Variants in GRID2 observed in about 807,000 individuals in gnomAD.
The protein encoded by GRID2 is glutamate receptor ionotropic, delta-2.
Under a neutral mutation model 114.8 loss-of-function variants are expected in GRID2, and 33 were observed. That is an observed-to-expected ratio of 0.29 (90% CI 0.22 to 0.38). GRID2 has a LOEUF of 0.38. Ranked by LOEUF, GRID2 falls within the 10% of genes least tolerant of loss-of-function variation. The pLI is 1.00. For synonymous variants in GRID2, 505 were observed against 449.9 expected, an observed-to-expected ratio of 1.12 and a Z score of -1.55; for missense variants, 1,184 against 1,257.7, an observed-to-expected ratio of 0.94 and a Z score of 0.89.
chr4:93,437,685 T>C (rs540219888), intron 10 of GRID2, among the ~76,000 whole-genome samples: 5 of 152,286 alleles, frequency 3.3e-5, no homozygotes, highest in Non-Finnish European at 7.4e-5. Context: ...CAATATACTG[T>C]ACAGTCTATA....
intron 2 of GRID2, among the ~76,000 whole-genome samples, chr4:92,766,067 G>A (rs1179710412): frequency 6.6e-6 from 1 of 152,126 alleles, no homozygotes; most frequent in African/African-American, 2.4e-5. Context: ...TGACTAGTGA[G>A]CTCTAGGAGA....
chr4:93,553,544 A>G (rs1212783634), intron 13 of GRID2, among the ~76,000 whole-genome samples: 1 of 152,230 alleles, frequency 6.6e-6, no homozygotes, highest in Non-Finnish European at 1.5e-5. Flanking sequence ...CCTAATAAAA[A>G]GAGTGGACTA....
At chr4:92,798,080 A>G (rs1225706359) in intron 2 of GRID2, among the ~76,000 whole-genome samples, 2 of 151,910 alleles carry the variant, frequency 1.3e-5, no homozygotes, top group Non-Finnish European at 2.9e-5. Flanking sequence ...TCTTTAAAAA[A>G]GGGGGGGTTA....
chr4:93,211,617 C>A (rs1188804880), intron 5 of GRID2, among the ~76,000 whole-genome samples: 2 of 152,084 alleles, frequency 1.3e-5, no homozygotes, highest in African/African-American at 4.8e-5. Flanking sequence ...AATAAAACTT[C>A]ACCATCACCA....
rs543028724 is a variant in GRID2, at chr4:93,744,173, T to C, written c.2361-25037T>C. On this transcript the variant is annotated intron_variant, in intron 14 of 15. Coordinates refer to ENST00000282020, the MANE Select transcript of GRID2 (RefSeq NM_001510.4). ...AATGCACCTGGTCACCCACGAACTC[T>C]AATAGTAATGAACAAGGAGATAATG... Among the ~76,000 whole-genome samples, 3 of 152,330 alleles carry C rather than the reference T, an allele frequency of 2.0e-5. No homozygotes were observed. In the East Asian group the frequency reaches 5.8e-4, roughly 29 times the overall value.
intron 1 of GRID2, among the ~76,000 whole-genome samples, chr4:92,361,194 G>A (rs1728602243): frequency 1.3e-5 from 2 of 151,892 alleles, no homozygotes. Flanking sequence ...CTTTCTAGGA[G>A]GCAAATTGAA....
intron 2 of GRID2, among the ~76,000 whole-genome samples, chr4:92,964,457 G>A (rs1753010189): frequency 6.6e-6 from 1 of 151,992 alleles, no homozygotes; most frequent in Non-Finnish European, 1.5e-5. Flanking sequence ...CTAGATGACA[G>A]GTTGATGGGT....
At chr4:93,473,159 C>G (rs1725005867) in intron 11 of GRID2, among the ~76,000 whole-genome samples, 1 of 151,968 alleles carries the variant, frequency 6.6e-6, no homozygotes, top group Non-Finnish European at 1.5e-5. Context: ...TATGTGTGTA[C>G]ATAAATATAA....
At chr4:92,896,930 C>T (rs1041988499) in intron 2 of GRID2, among the ~76,000 whole-genome samples, 2 of 151,994 alleles carry the variant, frequency 1.3e-5, no homozygotes, top group African/African-American at 2.4e-5. Context: ...TTAGTAGAGA[C>T]GGGGTTTCAT....
intron 12 of GRID2, among the ~76,000 whole-genome samples, chr4:93,513,412 TTATAA>T (rs549895907): frequency 1.4e-4 from 22 of 152,198 alleles, no homozygotes; most frequent in South Asian, 4.1e-4. Context: ...ATTTTTGTTG[TTATAA>T]TATATCAAGA....
intron 4 of GRID2, among the ~76,000 whole-genome samples, chr4:93,171,958 T>G (rs1738869558): frequency 6.6e-6 from 1 of 152,202 alleles, no homozygotes; most frequent in East Asian, 1.9e-4. Context: ...ACTTGTTAAT[T>G]GGAAAATTGC....
chr4:92,638,560 T>G (rs1020362235), intron 2 of GRID2, among the ~76,000 whole-genome samples: 1 of 149,254 alleles, frequency 6.7e-6, no homozygotes, highest in African/African-American at 2.4e-5. Flanking sequence ...CATTAATGAA[T>G]CATGAGAATC....
At chr4:93,752,134 T>C (rs2110285918) in intron 14 of GRID2, among the ~76,000 whole-genome samples, 1 of 152,272 alleles carries the variant, frequency 6.6e-6, no homozygotes, top group East Asian at 1.9e-4. Flanking sequence ...ACCACATTAG[T>C]CTTTATAATG....
At chr4:93,484,980 G>A (rs766130548) in intron 11 of GRID2, among the ~76,000 whole-genome samples, 45 of 151,818 alleles carry the variant, frequency 3.0e-4, no homozygotes, top group Non-Finnish European at 2.1e-4. Context: ...ATATGCATAC[G>A]TTAGTTTTCA....
chr4:93,611,970 C>A (rs949577758), intron 13 of GRID2, among the ~76,000 whole-genome samples: 1 of 147,190 alleles, frequency 6.8e-6, no homozygotes, highest in Non-Finnish European at 1.5e-5. Context: ...GTAGGTCACT[C>A]AGGACTTGCT....
rs186881579 is a variant in GRID2, at chr4:93,244,649, A to G, written c.1245+6159A>G. 6.8e-4 allele frequency among the ~76,000 whole-genome samples: 92 copies of G among 135,112 alleles called. 10 individuals are homozygous for G. Among genetic ancestry groups the G allele is most frequent in the African/African-American group, 2.4e-3 (82 of 34,302 alleles). The allele number at this position is 135,112 out of a possible 152,430, so 88.6% of individuals were successfully genotyped here. On this transcript the variant is annotated intron_variant, in intron 8 of 15. Coordinates refer to ENST00000282020, the MANE Select transcript of GRID2 (RefSeq NM_001510.4). ...TATTATATATTAATTAATAGATTAT[A>G]TAATCTATTATATATTAATTAATAG... is the stretch of plus-strand genomic sequence containing the variant.
At chr4:93,531,887 T>G (rs1731484101) in intron 13 of GRID2, among the ~76,000 whole-genome samples, 1 of 152,124 alleles carries the variant, frequency 6.6e-6, no homozygotes, top group Non-Finnish European at 1.5e-5. Flanking sequence ...TAGAATTAGT[T>G]ACAATTTTAC....
intron 8 of GRID2, among the ~76,000 whole-genome samples, chr4:93,278,587 A>C (rs1752320585): frequency 6.6e-6 from 1 of 152,004 alleles, no homozygotes; most frequent in African/African-American, 2.4e-5. Context: ...TTCAGGATGA[A>C]GGATGCAATT....
intron 14 of GRID2, among the ~76,000 whole-genome samples, chr4:93,701,944 TATA>T (rs1466243210): frequency 3.3e-5 from 5 of 152,140 alleles, no homozygotes; most frequent in Admixed American, 3.3e-4. Flanking sequence ...TATAATATAA[TATA>T]ATCAGTCTGA....
Sources: allele counts gnomAD v4.1 joint callset (sites outside exome capture counted in the v4.1 genomes callset), GRCh38; gene constraint gnomAD v4.1.1; transcripts MANE v1.5; gene names NCBI Gene and HGNC (gene_info 2026-07-23, HGNC 2026-07-21).